Variants in SCML1 observed in about 807,000 individuals in gnomAD.
SCML1 encodes Scm polycomb group protein like 1, also known as sex comb on midleg-like protein 1.
For missense variants in SCML1, 137 were observed against 258.1 expected (o/e 0.53, Z 3.22); for synonymous variants, 104 against 103.6 (o/e 1.00, Z -0.02).
chrX:17,745,895 C>G (rs1273681882), intron 3 of SCML1, 123 bp from the exon 4 acceptor site: 3 of 378,057 alleles, frequency 7.9e-6, no homozygotes, highest in Non-Finnish European at 1.4e-5. Flanking sequence ...CTTCTGAAAC[C>G]CCTTGAAAAG....
At chrX:17,745,876 A>T (rs1237960133) in intron 3 of SCML1, 142 bp from the exon 4 acceptor site, 1 of 360,327 alleles carries the variant, frequency 2.8e-6, no homozygotes, top group African/African-American at 2.6e-5. Flanking sequence ...ATCTCTGCTT[A>T]ATTTAAGACT....
chrX:17,741,089 G>C (rs1245840527), intron 1 of SCML1, among the ~76,000 whole-genome samples: 2 of 112,116 alleles, frequency 1.8e-5, no homozygotes, highest in Non-Finnish European at 3.8e-5. Flanking sequence ...GCTTAGAACT[G>C]CTGTCCCCAG....
intron 1 of SCML1, among the ~76,000 whole-genome samples, chrX:17,743,601 A>G (rs189156892): frequency 8.1e-4 from 91 of 111,809 alleles, no homozygotes; most frequent in African/African-American, 2.8e-3. Flanking sequence ...CTTAGAGATC[A>G]TCTCAACTGG....
At chrX:17,749,312 A>T in intron 4 of SCML1, 88 bp from the exon 5 acceptor site, 1 of 541,024 alleles carries the variant, frequency 1.8e-6, no homozygotes, top group Non-Finnish European at 2.9e-6. Context: ...CATTTGACTT[A>T]ATGGTATTTT....
At position 17,751,942 on chromosome X, in the gene SCML1, T is replaced by G. The variant is rs1413294226; in HGVS notation, c.831T>G (p.Pro277=). 2.5e-6 allele frequency: 3 copies of G among 1,211,269 alleles called. No individual in the cohort carries two copies. Among genetic ancestry groups the G allele is most frequent in the Non-Finnish European group, 3.4e-6 (3 of 895,208 alleles). The change falls in exon 7 of 8, where the codon CCT becomes CCG. Residue 277 remains proline (P), a synonymous_variant. Transcript: ENST00000380041. ...AAACAGATCCTCTTGCATTATGCCC[T>G]CTTGTCGACCTCTTCAGAAGCCATG... The part of the protein sequence containing the change: ...LKQTDPLALC[P]LVDLFRSHEI...
At chrX:17,747,198 T>G (rs2066650276) in intron 4 of SCML1, among the ~76,000 whole-genome samples, 1 of 111,636 alleles carries the variant, frequency 9.0e-6, no homozygotes, top group South Asian at 3.7e-4. Flanking sequence ...CCCTCATCCC[T>G]GCCCTTCTTC....
At chrX:17,741,749 T>A (rs913122470) in intron 1 of SCML1, among the ~76,000 whole-genome samples, 4 of 111,031 alleles carry the variant, frequency 3.6e-5, no homozygotes, top group African/African-American at 1.3e-4. Context: ...AAAAGAGGGA[T>A]GAGGAAGGGG....
intron 4 of SCML1, among the ~76,000 whole-genome samples, chrX:17,748,095 G>C (rs751130189): frequency 3.6e-5 from 4 of 111,769 alleles, no homozygotes; most frequent in Non-Finnish European, 5.6e-5. Context: ...CCTGGCATTT[G>C]GCATTTCTGA....
chrX:17,749,607 G>A, intron 5 of SCML1, 103 bp downstream of exon 5: 2 of 542,011 alleles, frequency 3.7e-6, no homozygotes, highest in Non-Finnish European at 6.0e-6. Context: ...TGTGAGATTA[G>A]CAAGGCATGT....
chrX:17,749,926 G>A lies in SCML1; in HGVS notation c.336G>A (p.Arg112=). The A allele has an allele frequency of 8.3e-7, 1 of 1,210,131 alleles. No homozygotes were observed. Among genetic ancestry groups the A allele is most frequent in the Non-Finnish European group, 1.1e-6 (1 of 894,501 alleles). The change falls in exon 6 of 8, where the codon CGG becomes CGA. Residue 112 remains arginine, a synonymous_variant. Transcript: ENST00000380041. The part of the protein sequence containing the change: ...KRYGYKKHSY[R]LVKKLKLQKM... ...ATGGATATAAAAAGCATTCTTACCG[G>A]CTTGTTAAAAAGCTTAAACTCCAGA...
intron 1 of SCML1, among the ~76,000 whole-genome samples, chrX:17,740,810 A>G (rs1226881368): frequency 8.9e-6 from 1 of 112,564 alleles, no homozygotes; most frequent in Admixed American, 9.3e-5. Flanking sequence ...AGGCGGAGAC[A>G]CAACAGGGTA....
rs1230312968 is a variant in SCML1, at chrX:17,751,828, A to G, written c.717A>G (p.Pro239=). 7 of 1,210,444 alleles carry G rather than the reference A, an allele frequency of 5.8e-6. No individual in the cohort carries two copies. In the Admixed American group the frequency reaches 1.1e-4, roughly 19 times the overall value. The change falls in exon 7 of 8, where the codon CCA becomes CCG. Residue 239 remains proline (P), a synonymous_variant. Coordinates refer to ENST00000380041, the MANE Select transcript of SCML1 (RefSeq NM_001037540.3). ...TCTCCATTGAAGTTACAAGGTCACC[A>G]GTTGAAAATGACGGTTACATAGAGG... ...SAAPPSVTRS[P]VENDGYIEEG... is the part of the protein sequence containing the mutation.
At chrX:17,751,691 T>G (rs1369381027) in intron 6 of SCML1, 124 bp from the exon 7 acceptor site, 25 of 729,553 alleles carry the variant, frequency 3.4e-5, no homozygotes, top group Non-Finnish European at 4.4e-5. Flanking sequence ...GACTCCTTGC[T>G]AGGAACATCA....
At chrX:17,737,899 A>AT (rs1194259727) in intron 1 of SCML1, 1 of 111,543 alleles carries the variant, frequency 9.0e-6, no homozygotes, top group Non-Finnish European at 1.9e-5. Flanking sequence ...AGCTTTTGAG[A>AT]TTTGACAATT....
intron 4 of SCML1, among the ~76,000 whole-genome samples, chrX:17,748,617 G>T (rs2066668834): frequency 8.9e-6 from 1 of 112,328 alleles, no homozygotes; most frequent in Non-Finnish European, 1.9e-5. Context: ...ATGAATGAAT[G>T]AATGAGGAAA....
intron 2 of SCML1, chrX:17,744,976 G>A (rs2066630457): frequency 8.9e-6 from 1 of 112,022 alleles, no homozygotes; most frequent in Non-Finnish European, 1.9e-5. Context: ...ATACTGAAGT[G>A]TAATGGCTAT....
chrX:17,750,249 A>C lies in SCML1; in HGVS notation c.659A>C (p.His220Pro), dbSNP rs1323210522. 1.7e-6 allele frequency: 2 copies of C among 1,210,977 alleles called. No individual in the cohort carries two copies. The highest frequency in any genetic ancestry group is 4.3e-5 in the Admixed American group (2 of 46,008). The change falls in exon 6 of 8, where the codon CAC (histidine) becomes CCC (proline). Residue 220 changes from histidine to proline, a missense_variant. Coordinates refer to ENST00000380041, the MANE Select transcript of SCML1 (RefSeq NM_001037540.3). ...CLGNPRADSIHNTYSTDHASA... is the reference protein window; with the variant it reads ...CLGNPRADSIPNTYSTDHASA... ...GGCAACCCTCGGGCTGACAGCATCC[A>C]CAACACTTACTCAACTGACCATGCT...
At chrX:17,738,673 A>G (rs2066564722) in intron 1 of SCML1, among the ~76,000 whole-genome samples, 1 of 112,061 alleles carries the variant, frequency 8.9e-6, no homozygotes. Flanking sequence ...TTATCTGATG[A>G]ATTAATGGCA....
intron 6 of SCML1, 145 bp downstream of exon 6, chrX:17,750,438 A>G: frequency 1.6e-6 from 1 of 606,375 alleles, no homozygotes; most frequent in South Asian, 3.4e-5. Flanking sequence ...TACAAGTAGC[A>G]CTATTTGACC....
Sources: allele counts gnomAD v4.1 joint callset (sites outside exome capture counted in the v4.1 genomes callset), GRCh38; gene constraint gnomAD v4.1.1; transcripts MANE v1.5; gene names NCBI Gene and HGNC (gene_info 2026-07-23, HGNC 2026-07-21).